Variants in CALB1 observed in about 807,000 individuals in gnomAD.
The protein encoded by CALB1 is calbindin 1, also known as calbindin.
In CALB1, 16 loss-of-function variants were observed where a neutral mutation model predicts 46.7. That is an observed-to-expected ratio of 0.34 (90% CI 0.23 to 0.52). CALB1 has a LOEUF of 0.52. Ranked by LOEUF, CALB1 falls within the 20% of genes least tolerant of loss-of-function variation. The pLI, the probability that CALB1 is intolerant of heterozygous loss-of-function variation, is 0.95. For missense variants in CALB1, 224 were observed against 300.3 expected (o/e 0.75, Z 1.88); for synonymous variants, 90 against 112.8 (o/e 0.80, Z 1.28).
At chr8:90,073,039 CTACGTGCTCCTTGAGGA>C (rs1814562307) in intron 3 of CALB1, among the ~76,000 whole-genome samples, 1 of 152,158 alleles carries the variant, frequency 6.6e-6, no homozygotes, top group Non-Finnish European at 1.5e-5. Context: ...CCCTACTAGT[CTACGTGCTCCTTGAGGA>C]TGGGGTCTGT....
At chr8:90,063,362 G>T (rs1327312053) in intron 7 of CALB1, 42 bp from the exon 8 acceptor site, 20 of 1,582,108 alleles carry the variant, frequency 1.3e-5, no homozygotes, top group Non-Finnish European at 1.6e-5. Context: ...TACATTTTTT[G>T]AAAAGGATCC....
intron 3 of CALB1, among the ~76,000 whole-genome samples, chr8:90,071,026 G>A (rs185274467): frequency 6.6e-6 from 1 of 152,014 alleles, no homozygotes; most frequent in African/African-American, 2.4e-5. Context: ...TTCAATTGAG[G>A]ATGCTAAGGC....
At chr8:90,071,240 T>G (rs1044335393) in intron 3 of CALB1, among the ~76,000 whole-genome samples, 1 of 152,242 alleles carries the variant, frequency 6.6e-6, no homozygotes, top group Non-Finnish European at 1.5e-5. Flanking sequence ...TGATAAGCTG[T>G]TTCTACTCAT....
intron 5 of CALB1, 88 bp from the exon 6 acceptor site, chr8:90,066,063 G>A (rs1345629613): frequency 9.5e-6 from 8 of 840,058 alleles, no homozygotes; most frequent in Admixed American, 8.2e-5. Context: ...GGACATACCA[G>A]GAATGCAAAG....
intron 3 of CALB1, among the ~76,000 whole-genome samples, chr8:90,076,319 T>C (rs938011917): frequency 6.6e-6 from 1 of 152,036 alleles, no homozygotes; most frequent in Non-Finnish European, 1.5e-5. Flanking sequence ...TTTATTATTT[T>C]AAAAAAGGCA....
chr8:90,068,913 G>A, intron 5 of CALB1, 85 bp downstream of exon 5: 1 of 904,848 alleles, frequency 1.1e-6, no homozygotes, highest in Non-Finnish European at 1.7e-6. Context: ...TTTCTTTTGT[G>A]GGAGGTTTTT....
At chr8:90,064,071 G>A (rs972095659) in intron 6 of CALB1, 2 of 151,662 alleles carry the variant, frequency 1.3e-5, no homozygotes, top group African/African-American at 4.8e-5. Context: ...AGCAACTATT[G>A]CTATAATATG....
At chr8:90,080,604 G>T (rs1462438122) in intron 2 of CALB1, among the ~76,000 whole-genome samples, 1 of 151,768 alleles carries the variant, frequency 6.6e-6, no homozygotes, top group Non-Finnish European at 1.5e-5. Flanking sequence ...ACATGGGGAG[G>T]GTGGAGAGTA....
intron 6 of CALB1, 145 bp from the exon 7 acceptor site, chr8:90,063,606 C>G (rs947984829): frequency 1.9e-5 from 12 of 642,584 alleles, no homozygotes; most frequent in Non-Finnish European, 3.0e-5. Flanking sequence ...TTAAAACTTT[C>G]AATGCAAATT....
At chr8:90,060,814 A>C in intron 9 of CALB1, 114 bp from the exon 10 acceptor site, 1 of 886,356 alleles carries the variant, frequency 1.1e-6, no homozygotes, top group South Asian at 1.5e-5. Context: ...CATACTTGGC[A>C]GATAATCTGT....
chr8:90,082,793 G>C lies in CALB1; in HGVS notation c.-96C>G. The C allele has an allele frequency of 8.3e-7, 1 of 1,208,544 alleles. No homozygotes were observed. Among genetic ancestry groups the C allele is most frequent in the Non-Finnish European group, 1.2e-6 (1 of 813,494 alleles). The allele number at this position is 1,208,544 out of a possible 1,614,324, so 74.9% of individuals were successfully genotyped here. A position where few individuals can be genotyped will look rare whatever the true frequency, so the allele number is the denominator to read the frequency against. ...AAAGCTCAGCGTGTGCGCGAGTCAG[G>C]GCTGCGGAGGGAGACCTGGGCGCGG... On this transcript the variant is annotated 5_prime_UTR_variant, in exon 1 of 11. Transcript: ENST00000265431.
chr8:90,080,179 G>A lies in CALB1; in HGVS notation c.157-1732C>T, dbSNP rs1814703277. Among the ~76,000 whole-genome samples, 5 of 151,852 alleles carry A rather than the reference G, an allele frequency of 3.3e-5. No homozygotes were observed. In the South Asian group the frequency reaches 1.0e-3, roughly 32 times the overall value. On this transcript the variant is annotated intron_variant, in intron 2 of 10. Coordinates refer to ENST00000265431, the MANE Select transcript of CALB1 (RefSeq NM_004929.4). ...TTGATATAATCCTATAACTATGCTT[G>A]TTTAGTATCATTACATTATAGTCTA...
intron 3 of CALB1, among the ~76,000 whole-genome samples, chr8:90,069,916 C>T (rs556054796): frequency 4.0e-5 from 6 of 151,778 alleles, no homozygotes; most frequent in South Asian, 2.1e-4. Flanking sequence ...CTGATCTCCA[C>T]GGCATGCCTC....
intron 1 of CALB1, 95 bp downstream of exon 1, chr8:90,082,507 AAGTAAAGAATAGAAAGG>A: frequency 1.2e-6 from 1 of 860,474 alleles, no homozygotes; most frequent in East Asian, 2.5e-5. Context: ...AAGGGGGAAG[AAGTAAAGAATAGAAAGG>A]AGGGATAATG....
chr8:90,070,874 G>GTA (rs1254489563), intron 3 of CALB1, among the ~76,000 whole-genome samples: 1 of 149,256 alleles, frequency 6.7e-6, no homozygotes, highest in African/African-American at 2.5e-5. Context: ...GTGTGTGTGT[G>GTA]TGTGTGTGTT....
At chr8:90,081,935 G>A (rs1425270298) in intron 2 of CALB1, 91 bp downstream of exon 2, 7 of 1,111,150 alleles carry the variant, frequency 6.3e-6, no homozygotes, top group Non-Finnish European at 9.3e-6. Context: ...CCCAGAAAGC[G>A]CTTTACGCTA....
Position 90,060,697 on chromosome 8 carries a change from C to A in CALB1, c.604G>T (p.Gly202Cys). 5.0e-6 allele frequency: 8 copies of A among 1,611,474 alleles called. No homozygotes were observed. The highest frequency in any genetic ancestry group is 6.8e-6 in the Non-Finnish European group (8 of 1,177,710). ...TCATTTTCATCTATGTATCCATTGC[C>A]GTCCTGGGGGAGGAGAAATAAAATA... Reference protein sequence around the residue: ...NKAFELYDQDGNGYIDENELD... With the variant: ...NKAFELYDQDCNGYIDENELD... Residue 202 changes from glycine (G) to cysteine (C), a missense_variant, in exon 10 of 11, where the codon GGC (glycine) becomes TGC (cysteine). Transcript: ENST00000265431.
rs531533394 is a variant in CALB1 at position 90,072,907 on chromosome 8, G to A, written c.232-3670C>T. On this transcript the variant is annotated intron_variant, in intron 3 of 10. Transcript: ENST00000265431. ...AAAAGAGAGTGAAGAATATCAAGGG[G>A]ATGAGTGGAAGGCAGGTAGCTAAGG... Among the ~76,000 whole-genome samples the A allele has an allele frequency of 2.0e-4, 30 of 152,242 alleles. No homozygotes were observed. The South Asian group carries it at 4.6e-3, about 23-fold the overall frequency.
At chr8:90,079,758 G>A (rs1219768130) in intron 2 of CALB1, among the ~76,000 whole-genome samples, 2 of 151,934 alleles carry the variant, frequency 1.3e-5, no homozygotes, top group Non-Finnish European at 2.9e-5. Context: ...TATGTTTAGT[G>A]TAAAAGGATA....
Sources: allele counts gnomAD v4.1 joint callset (sites outside exome capture counted in the v4.1 genomes callset), GRCh38; gene constraint gnomAD v4.1.1; transcripts MANE v1.5; gene names NCBI Gene and HGNC (gene_info 2026-07-23, HGNC 2026-07-21).